The following FCHSD2 variants were observed in gnomAD, a reference collection of about 807,000 sequenced individuals.
The protein encoded by FCHSD2 is F-BAR and double SH3 domains protein 2.
In FCHSD2, 38 loss-of-function variants were observed where a neutral mutation model predicts 108.1. That is an observed-to-expected ratio of 0.35 (90% CI 0.27 to 0.46). The LOEUF is 0.46. Among genes scored for constraint, FCHSD2 ranks in the 20% least tolerant of loss-of-function variants. The pLI is 1.00. For synonymous variants in FCHSD2, 279 were observed against 314.7 expected (o/e 0.89, Z 1.20); for missense variants, 751 against 897.8 (o/e 0.84, Z 2.09).
chr11:72,936,495 C>T (rs1358949934), intron 8 of FCHSD2, among the ~76,000 whole-genome samples: 1 of 152,152 alleles, frequency 6.6e-6, no homozygotes, highest in East Asian at 1.9e-4. Context: ...AGAATCTCGA[C>T]CAGGTGCCAT....
rs1337435614 is a variant in FCHSD2, at chr11:73,142,289, C to T, written c.-412G>A. 8 of 151,776 alleles carry T rather than the reference C, an allele frequency of 5.3e-5. No individual in the cohort carries two copies. The highest frequency in any genetic ancestry group is 1.7e-4 in the African/African-American group (7 of 41,430). The allele number at this position is 151,776 out of a possible 1,614,324, so 9.4% of individuals were successfully genotyped here. A position where few individuals can be genotyped will look rare whatever the true frequency, so the allele number is the denominator to read the frequency against. ...TCCCGGCGGACGCAGCGGCCCCCAC[C>T]CCACCCACTCAGGCGGCCCGGCCCT... On this transcript the variant is annotated 5_prime_UTR_variant, in exon 1 of 20. Coordinates refer to ENST00000409418, the MANE Select transcript of FCHSD2 (RefSeq NM_014824.3).
At chr11:72,883,261 C>G (rs1855126620) in intron 12 of FCHSD2, among the ~76,000 whole-genome samples, 1 of 152,138 alleles carries the variant, frequency 6.6e-6, no homozygotes, top group African/African-American at 2.4e-5. Flanking sequence ...ATATCACAAC[C>G]TTGATCAGGC....
intron 3 of FCHSD2, among the ~76,000 whole-genome samples, chr11:73,068,829 A>AAAAAAAAAAG (rs1859361963): frequency 6.7e-6 from 1 of 148,292 alleles, no homozygotes; most frequent in African/African-American, 2.5e-5. Context: ...AAAAAAAAAA[A>AAAAAAAAAAG]AAAGAAAAAG....
At chr11:73,095,374 G>A (rs1042254828) in intron 2 of FCHSD2, among the ~76,000 whole-genome samples, 5 of 152,278 alleles carry the variant, frequency 3.3e-5, no homozygotes, top group Non-Finnish European at 5.9e-5. Flanking sequence ...ATCTAATTCA[G>A]TTTTAACATT....
rs1169648453 is a variant in FCHSD2 at position 73,084,959 on chromosome 11, G to A, written c.120-1219C>T. ...ACCAAAGACATAAGAGTAAGAAGGA[G>A]GAAAAAAAAAAAAAAAGGAAAGCAC... is the stretch of plus-strand genomic sequence containing the variant. On this transcript the variant is annotated intron_variant, in intron 2 of 19. Coordinates refer to ENST00000409418, the MANE Select transcript of FCHSD2 (RefSeq NM_014824.3). Among the ~76,000 whole-genome samples, 12 of 137,664 alleles carry A rather than the reference G, an allele frequency of 8.7e-5. No individual in the cohort carries two copies. In the South Asian group the frequency reaches 1.8e-3, roughly 21 times the overall value. 90.3% of individuals were successfully genotyped at this position (137,664 alleles called of 152,430 possible). A position where few individuals can be genotyped will look rare whatever the true frequency, so the allele number is the denominator to read the frequency against.
intron 6 of FCHSD2, among the ~76,000 whole-genome samples, chr11:72,987,425 T>C (rs1335207831): frequency 6.6e-6 from 1 of 152,240 alleles, no homozygotes; most frequent in Non-Finnish European, 1.5e-5. Flanking sequence ...ACTTGATTTC[T>C]TTGAGTTTCT....
At chr11:73,087,150 T>C (rs1859836455) in intron 2 of FCHSD2, among the ~76,000 whole-genome samples, 1 of 152,156 alleles carries the variant, frequency 6.6e-6, no homozygotes, top group African/African-American at 2.4e-5. Flanking sequence ...ATATTGATGA[T>C]TCTGACAGTG....
chr11:72,841,235 G>T (rs1207100605), intron 18 of FCHSD2, among the ~76,000 whole-genome samples: 1 of 150,372 alleles, frequency 6.7e-6, no homozygotes, highest in Non-Finnish European at 1.5e-5. Context: ...TAGGGAGGCT[G>T]AGGCAGGAGG....
chr11:72,865,569 C>T (rs549558305), intron 13 of FCHSD2, among the ~76,000 whole-genome samples: 61 of 152,154 alleles, frequency 4.0e-4, no homozygotes, highest in Non-Finnish European at 7.5e-4. Flanking sequence ...GGCACAGCTC[C>T]TTCATTCCCT....
intron 13 of FCHSD2, 39 bp downstream of exon 13, chr11:72,867,826 T>C: frequency 2.5e-6 from 4 of 1,581,178 alleles, no homozygotes; most frequent in Non-Finnish European, 3.4e-6. Flanking sequence ...CATGCTTCAG[T>C]GAAAATCAAC....
chr11:73,078,078 T>C (rs1859598995), intron 3 of FCHSD2, among the ~76,000 whole-genome samples: 1 of 152,204 alleles, frequency 6.6e-6, no homozygotes. Flanking sequence ...TACATAATTA[T>C]GACTTGTACT....
At chr11:72,962,529 T>C (rs1485192134) in intron 8 of FCHSD2, among the ~76,000 whole-genome samples, 3 of 152,060 alleles carry the variant, frequency 2.0e-5, no homozygotes, top group Non-Finnish European at 4.4e-5. Context: ...AAATATACTT[T>C]ATATAAACTA....
chr11:72,843,773 A>G (rs1458509033), intron 14 of FCHSD2: 1 of 498,528 alleles, frequency 2.0e-6, no homozygotes, highest in African/African-American at 1.9e-5. Flanking sequence ...ATGACGTTCA[A>G]TGAACAGAAC....
At position 72,992,367 on chromosome 11, in the gene FCHSD2, C is replaced by T. The variant is rs544492827; in HGVS notation, c.388-3270G>A. Among the ~76,000 whole-genome samples the T allele has an allele frequency of 1.8e-4, 27 of 152,230 alleles. No individual in the cohort carries two copies. The East Asian group carries it at 4.2e-3, about 24-fold the overall frequency. On this transcript the variant is annotated intron_variant, in intron 5 of 19. Transcript: ENST00000409418. Reference sequence around the variant, plus strand: ...GTAATTTATAGATTCAATGCCATCCCCATCAAGCTACCAATGACTTTCTTC... The same window carrying T: ...GTAATTTATAGATTCAATGCCATCCTCATCAAGCTACCAATGACTTTCTTC...
intron 8 of FCHSD2, among the ~76,000 whole-genome samples, chr11:72,941,483 T>A (rs1015610161): frequency 9.6e-6 from 1 of 104,672 alleles, no homozygotes; most frequent in Non-Finnish European, 2.1e-5. Flanking sequence ...CCAACTCTAT[T>A]AATATATTAC....
At chr11:73,014,664 G>A (rs1468984053) in intron 4 of FCHSD2, among the ~76,000 whole-genome samples, 1 of 151,888 alleles carries the variant, frequency 6.6e-6, no homozygotes, top group Admixed American at 6.6e-5. Context: ...TAAACCATGC[G>A]CTTCAATACT....
rs1478236756 is a variant in FCHSD2, at chr11:72,965,374, A to G, written c.705+18714T>C. ...TTTACTGAGCGCTCTTCTATGCACT[A>G]AAACACAGTAGGAAACAATACACAG... is the stretch of plus-strand genomic sequence containing the variant. On this transcript the variant is annotated intron_variant, in intron 8 of 19. Coordinates refer to ENST00000409418, the MANE Select transcript of FCHSD2 (RefSeq NM_014824.3). 2.6e-4 allele frequency among the ~76,000 whole-genome samples: 39 copies of G among 152,178 alleles called. 2 individuals carry two copies. Among genetic ancestry groups the G allele is most frequent in the Admixed American group, 2.6e-3 (39 of 15,284 alleles).
At chr11:72,983,816 A>G (rs1197171962) in intron 8 of FCHSD2, 1 of 532,798 alleles carries the variant, frequency 1.9e-6, no homozygotes, top group Non-Finnish European at 3.6e-6. Context: ...TGTATCTTCT[A>G]CATCAATAAC....
At chr11:72,988,207 C>A (rs1396693535) in intron 6 of FCHSD2, among the ~76,000 whole-genome samples, 1 of 152,200 alleles carries the variant, frequency 6.6e-6, no homozygotes. Context: ...AGTCAGCACA[C>A]TGACCCTGAG....
Sources: gnomAD v4.1 joint callset for allele counts (sites outside exome capture counted in the v4.1 genomes callset) on GRCh38, gnomAD v4.1.1 for gene constraint, MANE v1.5 for transcripts, NCBI Gene and HGNC (gene_info 2026-07-23, HGNC 2026-07-21) for gene names.